Variants in SOS2 observed in about 807,000 individuals in gnomAD.
SOS2 encodes son of sevenless homolog 2.
Under a neutral mutation model 148.2 loss-of-function variants are expected in SOS2, and 65 were observed. That is an observed-to-expected ratio of 0.44 (90% confidence interval 0.36 to 0.54). The LOEUF (loss-of-function observed/expected upper bound fraction) is 0.54, where lower values mean the gene tolerates loss of function less well. Ranked by LOEUF, SOS2 falls within the 20% of genes least tolerant of loss-of-function variation. The probability of loss-of-function intolerance (pLI) is 0.00; values close to 1 mark genes in which losing one functional copy is unlikely to be tolerated. For synonymous variants in SOS2, 539 were observed against 537.1 expected (o/e 1.00, Z -0.05); for missense variants, 1,341 against 1,590.2 (o/e 0.84, Z 2.67).
intron 1 of SOS2, among the ~76,000 whole-genome samples, chr14:50,221,387 G>C (rs1157437018): frequency 1.3e-5 from 2 of 152,142 alleles, no homozygotes; most frequent in African/African-American, 4.8e-5. Flanking sequence ...AAGAAGATCT[G>C]CCTGACAAGG....
intron 13 of SOS2, among the ~76,000 whole-genome samples, chr14:50,151,441 T>A (rs1388555044): frequency 1.3e-5 from 2 of 152,246 alleles, no homozygotes; most frequent in African/African-American, 4.8e-5. Context: ...GTTAACTTTT[T>A]GTGATAGTAC....
Position 50,120,330 on chromosome 14 carries a change from A to G in SOS2, c.3434T>C (p.Ile1145Thr). Residue 1145 changes from isoleucine (I) to threonine (T), a missense_variant, in exon 22 of 23, where the codon ATT (isoleucine) becomes ACT (threonine). Physicochemically the swap from Ile to Thr is moderately conservative, Grantham distance 89. Around this residue, in one of 4 missense-constraint regions of SOS2, gnomAD observed 354 missense variants for 347.7 expected, o/e 1.02. Transcript: ENST00000216373. ...SLHKLSEEPLIPPPLPPRKKF... is the reference protein window; with the variant it reads ...SLHKLSEEPLTPPPLPPRKKF... ...TTTTCGAGGAGGAAGAGGAGGAGGA[A>G]TCAGGGGCTCTTCACTTAGTTTATG... 1 of 1,609,896 alleles carries G rather than the reference A, an allele frequency of 6.2e-7. No individual in the cohort carries two copies. Among genetic ancestry groups the G allele is most frequent in the Non-Finnish European group, 8.5e-7 (1 of 1,177,206 alleles).
rs114538499 is a variant in SOS2 at position 50,198,796 on chromosome 14, T to C, written c.510+895A>G. Among the ~76,000 whole-genome samples the C allele has an allele frequency of 9.4e-3, 1,431 of 152,354 alleles. 16 individuals are homozygous for C. The highest frequency in any genetic ancestry group is 0.065 in the Middle Eastern group (19 of 294). ...TTTTAATCATATTGTTCTGTAATTATCTGTTTATAATATTTTTATTTTGCA... is the reference window on the plus strand; with the variant it reads ...TTTTAATCATATTGTTCTGTAATTACCTGTTTATAATATTTTTATTTTGCA... On this transcript the variant is annotated intron_variant, in intron 4 of 22. Coordinates refer to ENST00000216373, the MANE Select transcript of SOS2 (RefSeq NM_006939.4).
chr14:50,209,051 A>AC lies in SOS2; in HGVS notation c.88-4643_88-4642insG, dbSNP rs1249001423. The stretch of plus-strand genomic sequence containing the variant: ...GCCTGAATAGAACAAAAGGCTGAGA[A>AC]AGAATTCTTTCTCTCTGCCTGACTG... On this transcript the variant is annotated intron_variant, in intron 1 of 22. Transcript: ENST00000216373. Among the ~76,000 whole-genome samples the AC allele has an allele frequency of 2.6e-5, 4 of 152,300 alleles. No individual in the cohort carries two copies. In the East Asian group the frequency reaches 7.7e-4, roughly 29 times the overall value.
intron 8 of SOS2, among the ~76,000 whole-genome samples, chr14:50,172,617 C>T (rs73285518): frequency 0.017 from 2,509 of 151,976 alleles, 71 homozygotes; most frequent in African/African-American, 0.058. Flanking sequence ...ATTCCCTCCC[C>T]CTTGGACTCC....
chr14:50,124,054 A>C (rs564440886), intron 21 of SOS2, among the ~76,000 whole-genome samples: 3 of 152,304 alleles, frequency 2.0e-5, no homozygotes, highest in African/African-American at 2.4e-5. Context: ...GGATAATAAG[A>C]AGCTCAGTTT....
chr14:50,149,034 C>T (rs1431731469), intron 14 of SOS2, among the ~76,000 whole-genome samples: 1 of 152,088 alleles, frequency 6.6e-6, no homozygotes, highest in African/African-American at 2.4e-5. Context: ...ACTACAGGGG[C>T]ACTACAGGCA....
intron 2 of SOS2, among the ~76,000 whole-genome samples, chr14:50,202,305 A>C (rs1886518110): frequency 6.6e-6 from 1 of 152,246 alleles, no homozygotes; most frequent in Non-Finnish European, 1.5e-5. Context: ...CATTGGCATG[A>C]AAAACAAGAA....
intron 12 of SOS2, 52 bp from the exon 13 acceptor site, chr14:50,153,225 ACTT>A (rs1453447788): frequency 1.0e-6 from 1 of 991,276 alleles, no homozygotes; most frequent in East Asian, 2.4e-5. Context: ...GTTCAATTAC[ACTT>A]CTTCCTTCTC....
intron 1 of SOS2, among the ~76,000 whole-genome samples, chr14:50,216,577 G>A (rs1887045951): frequency 6.6e-6 from 1 of 151,690 alleles, no homozygotes; most frequent in African/African-American, 2.4e-5. Context: ...TGGCCAACAT[G>A]GTGAAACCCC....
At chr14:50,142,101 G>A (rs757430328) in intron 16 of SOS2, among the ~76,000 whole-genome samples, 2 of 150,890 alleles carry the variant, frequency 1.3e-5, no homozygotes, top group Admixed American at 6.6e-5. Context: ...TCTGCCTCCC[G>A]GGTTCAAGTG....
chr14:50,183,457 G>A (rs972988170), intron 5 of SOS2, among the ~76,000 whole-genome samples: 5 of 150,590 alleles, frequency 3.3e-5, no homozygotes, highest in African/African-American at 4.9e-5. Flanking sequence ...TATATTCCAA[G>A]ACAGTAAAAA....
intron 5 of SOS2, among the ~76,000 whole-genome samples, chr14:50,187,813 T>C (rs1195095875): frequency 1.3e-5 from 2 of 152,216 alleles, no homozygotes; most frequent in Non-Finnish European, 2.9e-5. Context: ...TTTAACCCCA[T>C]GGTATTCTGA....
chr14:50,195,066 G>C (rs1400799445), intron 4 of SOS2, among the ~76,000 whole-genome samples: 1 of 151,980 alleles, frequency 6.6e-6, no homozygotes, highest in Non-Finnish European at 1.5e-5. Context: ...AAGTTTTCTA[G>C]GGATAAATTC....
rs187111965 is a variant in SOS2 at position 50,217,729 on chromosome 14, G to A, written c.88-13320C>T. On this transcript the variant is annotated intron_variant, in intron 1 of 22. Coordinates refer to ENST00000216373, the MANE Select transcript of SOS2 (RefSeq NM_006939.4). ...CCCAGCACTTTGGGAGGCCGAGGCC[G>A]GTGGATCACGAGGTCAGGAGATCAA... Among the ~76,000 whole-genome samples the A allele has an allele frequency of 8.5e-3, 1,299 of 152,168 alleles. 49 individuals are homozygous for A. Among genetic ancestry groups the A allele is most frequent in the Admixed American group, 0.073 (1,118 of 15,276 alleles).
At position 50,153,056 on chromosome 14, in the gene SOS2, T is replaced by A. The variant is rs773080363; in HGVS notation, c.2161+14A>T. 7.7e-7 allele frequency: 1 copy of A among 1,306,734 alleles called. No individual in the cohort carries two copies. Among genetic ancestry groups the A allele is most frequent in the Non-Finnish European group, 1.1e-6 (1 of 917,362 alleles). 80.9% of individuals were successfully genotyped at this position (1,306,734 alleles called of 1,614,324 possible). A position where few individuals can be genotyped will look rare whatever the true frequency, so the allele number is the denominator to read the frequency against. Reference sequence around the variant, plus strand: ...GTTCAATATAAGATTCAATCAAACCTTTATATAATATACCTCTTACACTTG... The same window carrying A: ...GTTCAATATAAGATTCAATCAAACCATTATATAATATACCTCTTACACTTG... On this transcript the variant is annotated intron_variant, in intron 13 of 22. Transcript: ENST00000216373.
chr14:50,224,308 T>TAC (rs1566487910), intron 1 of SOS2, among the ~76,000 whole-genome samples: 1 of 68,982 alleles, frequency 1.4e-5, no homozygotes, highest in African/African-American at 5.8e-5. Flanking sequence ...AAAAAAAATA[T>TAC]ATATATACAC....
rs1000340134 is a variant in SOS2 at position 50,151,642 on chromosome 14, CTTAAT to C, written c.2162-1417_2162-1413del. ...CTTTGGACATTAACATAACCATTTA[CTTAAT>C]TTATTCTAATGTGTGTGTGTATTTT... On this transcript the variant is annotated intron_variant, in intron 13 of 22. Coordinates refer to ENST00000216373, the MANE Select transcript of SOS2 (RefSeq NM_006939.4). Among the ~76,000 whole-genome samples the C allele has an allele frequency of 1.1e-4, 17 of 152,304 alleles. No individual in the cohort carries two copies. The South Asian group carries it at 1.7e-3, about 15-fold the overall frequency.
intron 1 of SOS2, among the ~76,000 whole-genome samples, chr14:50,204,866 A>G: frequency 6.7e-6 from 1 of 150,154 alleles, no homozygotes; most frequent in East Asian, 2.0e-4. Flanking sequence ...ACCACCAGCT[A>G]TGCTAAGCAC....
Sources: gnomAD v4.1 joint callset for allele counts (sites outside exome capture counted in the v4.1 genomes callset) on GRCh38, gnomAD v4.1.1 for gene constraint, gnomAD v4.1.1 regional missense constraint, MANE v1.5 for transcripts, NCBI Gene and HGNC (gene_info 2026-07-23, HGNC 2026-07-21) for gene names.